AOX1: variants seen among roughly 807,000 people sequenced by gnomAD.
AOX1 encodes aldehyde oxidase.
Under a neutral mutation model 169.5 loss-of-function variants are expected in AOX1, and 153 were observed. The observed-to-expected ratio is 0.90, with a 90% CI of 0.79 to 1.03. The LOEUF is 1.03. AOX1 is among the 50% of genes least tolerant of loss of function. AOX1 has a pLI of 0.00. For synonymous variants in AOX1, 562 were observed against 581.9 expected, an observed-to-expected ratio of 0.97 and a Z score of 0.49; for missense variants, 1,656 against 1,663.9, an observed-to-expected ratio of 1.00 and a Z score of 0.08.
chr2:200,667,475 A>G (rs1168673484), intron 32 of AOX1, among the ~76,000 whole-genome samples: 1 of 119,914 alleles, frequency 8.3e-6, no homozygotes, highest in Non-Finnish European at 1.6e-5. Context: ...CCATCATGAC[A>G]TTGCATTATT....
At chr2:200,672,018 C>T (rs1013664260), downstream of AOX1, among the ~76,000 whole-genome samples, 1 of 151,976 alleles carries the variant, frequency 6.6e-6, no homozygotes, top group Non-Finnish European at 1.5e-5. Context: ...ACCTTGAAAA[C>T]ATTGTCTAAA....
In AOX1 at chr2:200,629,471, C is replaced by A. The variant is rs190009117; in HGVS notation, c.2221+2022C>A. Among the ~76,000 whole-genome samples, 19 of 152,150 alleles carry A rather than the reference C, an allele frequency of 1.2e-4. No homozygotes were observed. In the East Asian group the frequency reaches 2.9e-3, roughly 23 times the overall value. On this transcript the variant is annotated intron_variant, in intron 20 of 34. Coordinates refer to ENST00000374700, the MANE Select transcript of AOX1 (RefSeq NM_001159.4). Reference sequence around the variant, plus strand: ...GTTGGCAGGTGTTCATTTATCAAACCCAGTGTTTCCAAGATTTTCTCCTTA... The same window carrying A: ...GTTGGCAGGTGTTCATTTATCAAACACAGTGTTTCCAAGATTTTCTCCTTA...
intron 28 of AOX1, among the ~76,000 whole-genome samples, 159 bp downstream of exon 28, chr2:200,659,452 G>A (rs1338316074): frequency 6.6e-6 from 1 of 152,126 alleles, no homozygotes; most frequent in Admixed American, 6.5e-5. Flanking sequence ...CTCCTGTGCT[G>A]GAAATGCCAC....
intron 25 of AOX1, among the ~76,000 whole-genome samples, chr2:200,643,925 ATTTG>A (rs1297167114): frequency 6.7e-6 from 1 of 149,804 alleles, no homozygotes; most frequent in East Asian, 2.0e-4. Flanking sequence ...TTTCTTACTG[ATTTG>A]TTTGAGTTTC....
Position 200,612,749 on chromosome 2 carries a change from A to G in AOX1, c.1404A>G (p.Pro468=). ...ELCISYGGVG[P]ATICAKNSCQ... The stretch of plus-strand genomic sequence containing the variant: ...GCATCTCATATGGAGGCGTTGGTCC[A>G]GCCACCATCTGTGCCAAGAATTCCT... Residue 468 remains proline (P), a synonymous_variant, in exon 14 of 35, where the codon CCA becomes CCG. Transcript: ENST00000374700. 1 of 1,614,070 alleles carries G rather than the reference A, an allele frequency of 6.2e-7. No individual in the cohort carries two copies. Among genetic ancestry groups the G allele is most frequent in the Non-Finnish European group, 8.5e-7 (1 of 1,179,968 alleles).
rs763081271 is a variant in AOX1, at chr2:200,595,239, A to G, written c.104-33A>G. The G allele has an allele frequency of 5.1e-6, 8 of 1,555,520 alleles. No individual in the cohort carries two copies. The South Asian group carries it at 6.8e-5, about 13-fold the overall frequency. On this transcript the variant is annotated intron_variant, in intron 2 of 34. Coordinates refer to ENST00000374700, the MANE Select transcript of AOX1 (RefSeq NM_001159.4). ...GGCTATTCTAGAAAGAGAATTACAT[A>G]ACACATATGATCTTTAACTATACCT...
In AOX1 at chr2:200,611,393, G is replaced by A. The variant is rs147455669; in HGVS notation, c.1163G>A (p.Arg388Gln). 82 of 1,612,266 alleles carry A rather than the reference G, an allele frequency of 5.1e-5. No individual in the cohort carries two copies. The highest frequency in any genetic ancestry group is 3.3e-4 in the Middle Eastern group (2 of 6,076). ...TCATTTCTTTCCACAGAAGGAAAAC[G>A]ACAGATTCCTTTAAATGAGCAATTC... Reference protein sequence around the residue: ...TLNLLSKEGKRQIPLNEQFLS... With the variant: ...TLNLLSKEGKQQIPLNEQFLS... Residue 388 changes from arginine to glutamine, a missense_variant, in exon 13 of 35, where the codon CGA becomes CAA. Physicochemically the swap from Arg to Gln is conservative, Grantham distance 43. Coordinates refer to ENST00000374700, the MANE Select transcript of AOX1 (RefSeq NM_001159.4).
At chr2:200,659,457 T>C (rs1035164207) in intron 28 of AOX1, among the ~76,000 whole-genome samples, 164 bp downstream of exon 28, 2 of 152,346 alleles carry the variant, frequency 1.3e-5, no homozygotes, top group South Asian at 4.1e-4. Context: ...GTGCTGGAAA[T>C]GCCACCTCTT....
chr2:200,606,917 G>T (rs1163149460), intron 10 of AOX1, among the ~76,000 whole-genome samples: 5 of 152,298 alleles, frequency 3.3e-5, no homozygotes, highest in African/African-American at 1.2e-4. Context: ...ACACAATCAT[G>T]TCATCTGCAA....
chr2:200,678,749 A>C (rs1435481749), downstream of AOX1: 1 of 150,034 alleles, frequency 6.7e-6, no homozygotes, highest in South Asian at 2.1e-4. Context: ...AAACCTCTGG[A>C]TACTGCAATT....
At position 200,634,801 on chromosome 2, in the gene AOX1, T is replaced by C; in HGVS notation, c.2232T>C (p.His744=). 1.2e-6 allele frequency: 2 copies of C among 1,613,996 alleles called. No individual in the cohort carries two copies. The highest frequency in any genetic ancestry group is 8.5e-7 in the Non-Finnish European group (1 of 1,179,938). Residue 744 remains histidine, a synonymous_variant, in exon 21 of 35, where the codon CAT becomes CAC. Transcript: ENST00000374700. ...VVDQILEGEI[H]MGGQEHFYME... is the part of the protein sequence containing the mutation. Reference sequence around the variant, plus strand: ...ATTTTCCTGTAACAGGTGAAATACATATGGGAGGTCAAGAACATTTTTATA... The same window carrying C: ...ATTTTCCTGTAACAGGTGAAATACACATGGGAGGTCAAGAACATTTTTATA...
chr2:200,642,170 T>C (rs2035365082), intron 24 of AOX1, among the ~76,000 whole-genome samples: 1 of 151,864 alleles, frequency 6.6e-6, no homozygotes, highest in African/African-American at 2.4e-5. Flanking sequence ...CAATGAAAAA[T>C]GTCTCCAGAC....
At chr2:200,636,765 A>T (rs2035242351) in intron 21 of AOX1, 146 bp from the exon 22 acceptor site, 1 of 932,156 alleles carries the variant, frequency 1.1e-6, no homozygotes, top group Non-Finnish European at 1.6e-6. Flanking sequence ...ACATTAAAGA[A>T]TCAAAACATC....
rs1400251924 is a variant in AOX1, at chr2:200,663,799, C to A, written c.3543+830C>A. Among the ~76,000 whole-genome samples the A allele has an allele frequency of 2.6e-5, 4 of 152,150 alleles. No individual in the cohort carries two copies. In the East Asian group the frequency reaches 7.7e-4, roughly 29 times the overall value. ...AGTGATAATCTCTTCCAAAATGTAC[C>A]TAGAAGCAAGCTCTAGTTCTTGATA... On this transcript the variant is annotated intron_variant, in intron 31 of 34. Coordinates refer to ENST00000374700, the MANE Select transcript of AOX1 (RefSeq NM_001159.4).
Position 200,605,546 on chromosome 2 carries a change from G to A in AOX1, c.825G>A (p.Val275=). ...IMGNTSVGPE[V]KFKGVFHPVI... ...TTTTTGATCCTTTAGGGCCTGAAGTGAAATTTAAAGGCGTCTTTCACCCAG... is the reference window on the plus strand; with the variant it reads ...TTTTTGATCCTTTAGGGCCTGAAGTAAAATTTAAAGGCGTCTTTCACCCAG... Residue 275 remains valine, a synonymous_variant, in exon 10 of 35, where the codon GTG becomes GTA. Coordinates refer to ENST00000374700, the MANE Select transcript of AOX1 (RefSeq NM_001159.4). The A allele has an allele frequency of 6.5e-7, 1 of 1,532,498 alleles. No homozygotes were observed. Among genetic ancestry groups the A allele is most frequent in the Non-Finnish European group, 8.8e-7 (1 of 1,138,036 alleles). 94.9% of individuals were successfully genotyped at this position (1,532,498 alleles called of 1,614,324 possible).
At chr2:200,661,781 G>C (rs970644465) in intron 30 of AOX1, 150 bp downstream of exon 30, 3 of 631,700 alleles carry the variant, frequency 4.7e-6, no homozygotes, top group Non-Finnish European at 8.4e-6. Flanking sequence ...GTTAATCCAT[G>C]GTTGTGGTTA....
intron 25 of AOX1, among the ~76,000 whole-genome samples, chr2:200,650,689 A>G (rs1205719312): frequency 1.3e-5 from 2 of 152,206 alleles, no homozygotes; most frequent in African/African-American, 2.4e-5. Flanking sequence ...TACAGTGTAC[A>G]TGGACTGTGT....
downstream of AOX1, among the ~76,000 whole-genome samples, chr2:200,672,687 A>G (rs1287824828): frequency 6.6e-6 from 1 of 152,222 alleles, no homozygotes; most frequent in African/African-American, 2.4e-5. Flanking sequence ...AGTATGGTTG[A>G]TGCTTGAGTG....
At position 200,612,996 on chromosome 2, in the gene AOX1, C is replaced by CTGTGTGCGTG. The variant is rs1553569209; in HGVS notation, c.1448+210_1448+219dup. ...AATTCTGAAGTGGGAATTATATACT[C>CTGTGTGCGTG]TGTGTGCGTGTGTGTGTGTGTGTGT... On this transcript the variant is annotated intron_variant, in intron 14 of 34. Coordinates refer to ENST00000374700, the MANE Select transcript of AOX1 (RefSeq NM_001159.4). Among the ~76,000 whole-genome samples, 3 of 113,116 alleles carry CTGTGTGCGTG rather than the reference C, an allele frequency of 2.7e-5. No individual in the cohort carries two copies. The East Asian group carries it at 9.0e-4, about 34-fold the overall frequency. The allele number at this position is 113,116 out of a possible 152,430, so 74.2% of individuals were successfully genotyped here.
Sources: allele counts gnomAD v4.1 joint callset (sites outside exome capture counted in the v4.1 genomes callset), GRCh38; gene constraint gnomAD v4.1.1; transcripts MANE v1.5; gene names NCBI Gene and HGNC (gene_info 2026-07-23, HGNC 2026-07-21).